Variants in FAAH2 observed in about 807,000 individuals in gnomAD.
FAAH2 encodes the protein fatty acid amide hydrolase 2, also known as fatty-acid amide hydrolase 2.
In FAAH2, 60 loss-of-function variants were observed where a neutral mutation model predicts 36.9. The ratio of observed to expected loss-of-function variants is 1.63; its 90% CI spans 1.32 to 2.02. FAAH2 has a LOEUF of 2.02. Among genes scored for constraint, FAAH2 ranks in the 30% most tolerant of loss-of-function variants. FAAH2 has a pLI of 0.00. For missense variants in FAAH2, 689 were observed against 397.5 expected (o/e 1.73, Z -6.23); for synonymous variants, 214 against 143.8 (o/e 1.49, Z -3.49).
rs980374240 is a variant in FAAH2, at chrX:57,395,304, G to A, written c.996+14275G>A. On this transcript the variant is annotated intron_variant, in intron 7 of 10. Transcript: ENST00000374900. ...GCCAACCTGTAATATTGCCAGGCCT[G>A]GTGTGAAACCAGGTACTTGTCCTTC... The A allele has an allele frequency of 1.1e-5, 7 of 648,397 alleles. No homozygotes were observed. The African/African-American group carries it at 1.5e-4, about 14-fold the overall frequency. The allele number at this position is 648,397 out of a possible 1,213,427, so 53.4% of individuals were successfully genotyped here. A position where few individuals can be genotyped will look rare whatever the true frequency, so the allele number is the denominator to read the frequency against.
chrX:57,168,151 C>G, the FAAH2 span, among the ~76,000 whole-genome samples: 1 of 110,985 alleles, frequency 9.0e-6, no homozygotes, highest in East Asian at 2.8e-4. Flanking sequence ...TATTTACTTG[C>G]TTTTTTTAAT....
intron 3 of FAAH2, among the ~76,000 whole-genome samples, chrX:57,321,954 T>G (rs1156850871): frequency 1.8e-5 from 2 of 112,292 alleles, no homozygotes; most frequent in Admixed American, 9.5e-5. Context: ...GCAACAAATT[T>G]GCTTAGCATT....
intron 5 of FAAH2, among the ~76,000 whole-genome samples, chrX:57,371,642 G>GC (rs1454886264): frequency 9.7e-6 from 1 of 103,165 alleles, no homozygotes; most frequent in Non-Finnish European, 2.0e-5. Context: ...TTTTTTGGGG[G>GC]GGGGGTTACT....
In FAAH2 at chrX:57,349,434, C is replaced by G. The variant is rs991031359; in HGVS notation, c.742+8044C>G. Reference sequence around the variant, plus strand: ...ATATACACATATATACATATATATACATATATACACATAGATACATATATA... The same window carrying G: ...ATATACACATATATACATATATATAGATATATACACATAGATACATATATA... On this transcript the variant is annotated intron_variant, in intron 5 of 10. Coordinates refer to ENST00000374900, the MANE Select transcript of FAAH2 (RefSeq NM_174912.4). Among the ~76,000 whole-genome samples, 4 of 92,107 alleles carry G rather than the reference C, an allele frequency of 4.3e-5. No homozygotes were observed. The East Asian group carries it at 1.3e-3, about 30-fold the overall frequency. The allele number at this position is 92,107 out of a possible 115,157, so 80.0% of individuals were successfully genotyped here.
At chrX:57,305,912 G>T (rs750240780) in intron 2 of FAAH2, among the ~76,000 whole-genome samples, 1 of 111,603 alleles carries the variant, frequency 9.0e-6, no homozygotes, top group Non-Finnish European at 1.9e-5. Flanking sequence ...GGGACACTGT[G>T]CCTCAAGGTT....
intron 3 of FAAH2, among the ~76,000 whole-genome samples, chrX:57,329,179 T>C (rs188441093): frequency 8.9e-6 from 1 of 112,417 alleles, no homozygotes; most frequent in East Asian, 2.8e-4. Flanking sequence ...ATTGGCAATA[T>C]TGACTGCATT....
intron 10 of FAAH2, among the ~76,000 whole-genome samples, chrX:57,459,837 A>C (rs2056927592): frequency 8.9e-6 from 1 of 111,880 alleles, no homozygotes; most frequent in Admixed American, 9.5e-5. Flanking sequence ...AACCCCATCC[A>C]AAGGTCACCA....
the FAAH2 span, among the ~76,000 whole-genome samples, chrX:57,261,552 C>CAAAAAAAAAAAAAAAAA: frequency 1.3e-4 from 3 of 23,386 alleles, no homozygotes; most frequent in Non-Finnish European, 2.1e-4. Context: ...GACTCTGTCT[C>CAAAAAAAAAAAAAAAAA]AAAAAAAAAA....
intron 10 of FAAH2, among the ~76,000 whole-genome samples, chrX:57,458,452 C>T (rs1170644355): frequency 9.1e-6 from 1 of 110,390 alleles, no homozygotes; most frequent in African/African-American, 3.3e-5. Flanking sequence ...GAGATGGCAC[C>T]ACTGCACTCC....
the FAAH2 span, among the ~76,000 whole-genome samples, chrX:57,261,122 G>T: frequency 0.37 from 40,476 of 110,442 alleles, 6,327 homozygotes; most frequent in Middle Eastern, 0.61. Context: ...TTATAAAAAC[G>T]TGAAGCCACA....
chrX:57,274,910 T>C, the FAAH2 span, among the ~76,000 whole-genome samples: 1,080 of 111,829 alleles, frequency 9.7e-3, 6 homozygotes, highest in African/African-American at 0.033. Context: ...GCCAGGGTAA[T>C]CAGGCAGGAG....
the FAAH2 span, among the ~76,000 whole-genome samples, chrX:57,201,627 T>C: frequency 1.8e-5 from 2 of 111,730 alleles, no homozygotes; most frequent in South Asian, 7.5e-4. Flanking sequence ...CAACATATCA[T>C]CAAGTTTTGT....
chrX:57,338,910 C>T (rs1435778489), intron 4 of FAAH2, among the ~76,000 whole-genome samples: 1 of 111,249 alleles, frequency 9.0e-6, no homozygotes. Flanking sequence ...AAAAAAAAAC[C>T]TATTTTAAAA....
chrX:57,210,883 A>G, the FAAH2 span, among the ~76,000 whole-genome samples: 2 of 112,825 alleles, frequency 1.8e-5, no homozygotes, highest in Admixed American at 9.3e-5. Context: ...CCTTTAAATA[A>G]TATGTGAGCT....
chrX:57,129,546 T>A, the FAAH2 span, among the ~76,000 whole-genome samples: 33 of 112,313 alleles, frequency 2.9e-4, 1 homozygote, highest in African/African-American at 1.1e-3. Context: ...ATTTAAAAAA[T>A]TATTCACAAC....
chrX:57,290,365 G>T, intron 1 of FAAH2: 1 of 590,902 alleles, frequency 1.7e-6, no homozygotes, highest in Non-Finnish European at 2.0e-6. Context: ...CTAGACTATT[G>T]AGTTATGGTG....
intron 7 of FAAH2, among the ~76,000 whole-genome samples, chrX:57,391,438 T>C (rs2055164769): frequency 9.0e-6 from 1 of 111,209 alleles, no homozygotes; most frequent in Non-Finnish European, 1.9e-5. Flanking sequence ...ATTTTTCTTG[T>C]TTGAGGTCTT....
intron 8 of FAAH2, among the ~76,000 whole-genome samples, chrX:57,433,733 T>A (rs1300352501): frequency 2.7e-5 from 3 of 112,484 alleles, no homozygotes; most frequent in African/African-American, 9.7e-5. Context: ...TTATACTCAA[T>A]AATCATCCCC....
chrX:57,265,284 C>T, the FAAH2 span, among the ~76,000 whole-genome samples: 1 of 111,531 alleles, frequency 9.0e-6, no homozygotes, highest in African/African-American at 3.3e-5. Flanking sequence ...TGGTTAGACC[C>T]CTGTACATAC....
Sources: allele counts gnomAD v4.1 joint callset (sites outside exome capture counted in the v4.1 genomes callset), GRCh38; gene constraint gnomAD v4.1.1; transcripts MANE v1.5; gene names NCBI Gene and HGNC (gene_info 2026-07-23, HGNC 2026-07-21).